Variants in HOXD3 observed in about 807,000 individuals in gnomAD.
HOXD3 encodes homeobox protein Hox-D3.
In HOXD3, 13 loss-of-function variants were observed where a neutral mutation model predicts 32.8. The observed-to-expected ratio is 0.40, with a 90% CI of 0.26 to 0.63. The LOEUF is 0.63. Ranked by LOEUF, HOXD3 falls within the 20% of genes least tolerant of loss-of-function variation. The pLI is 0.44. For missense variants in HOXD3, 504 were observed against 577.1 expected (o/e 0.87, Z 1.30); for synonymous variants, 241 against 246.8 (o/e 0.98, Z 0.22).
Position 176,169,425 on chromosome 2 carries a change from G to T in HOXD3, c.311G>T (p.Gly104Val), listed in dbSNP as rs768708334. 1.9e-6 allele frequency: 3 copies of T among 1,613,504 alleles called. No individual in the cohort carries two copies. The highest frequency in any genetic ancestry group is 3.3e-5 in the Admixed American group (2 of 59,988). The change falls in exon 3 of 4, where the codon GGC becomes GTC. Residue 104 changes from glycine to valine, a missense_variant. This residue lies in a region of HOXD3 where 181 missense variants were observed against 172.2 expected (regional missense o/e 1.05). Transcript: ENST00000683222. ...GGGAACAGCCAGGGTGGGGGTGGTG[G>T]CAGCCAGCCTCCTGGTCTGAACTCA... ...GTGNSQGGGG[G>V]SQPPGLNSEQ...
Position 176,171,798 on chromosome 2 carries a change from G to A in HOXD3, c.823G>A (p.Gly275Ser), listed in dbSNP as rs767373229. ...QSPERSPPLG[G>S]AAGHVAYSGQ... ...CCCTGAGCGCAGCCCACCGCTCGGC[G>A]GCGCCGCTGGCCACGTGGCCTACTC... Residue 275 changes from glycine (G) to serine (S), a missense_variant, in exon 4 of 4, where the codon GGC (glycine) becomes AGC (serine). This residue lies in a region of HOXD3 where 226 missense variants were observed against 246.9 expected (regional missense o/e 0.92). Transcript: ENST00000683222. 20 of 1,612,614 alleles carry A rather than the reference G, an allele frequency of 1.2e-5. No homozygotes were observed. The Middle Eastern group carries it at 5.0e-4, about 40-fold the overall frequency.
At chr2:176,159,250 G>A (rs1217424206) in intron 1 of HOXD3, among the ~76,000 whole-genome samples, 1 of 152,066 alleles carries the variant, frequency 6.6e-6, no homozygotes. Flanking sequence ...GTGGGCTGGG[G>A]TCACCCACGA....
At position 176,172,303 on chromosome 2, in the gene HOXD3, AAATT is replaced by A; in HGVS notation, c.*31_*34del. The A allele has an allele frequency of 6.4e-7, 1 of 1,565,976 alleles. No individual in the cohort carries two copies. ...CCGCCGCCAGCCCGAACTCGCGGCA[AAATT>A]ACCTCTCTTGCTGTAGTGGTGGGGT... On this transcript the variant is annotated 3_prime_UTR_variant, in exon 4 of 4. Transcript: ENST00000683222.
In HOXD3 at chr2:176,169,569, C is replaced by T. The variant is rs774350237; in HGVS notation, c.455C>T (p.Ser152Phe). 4 of 1,613,960 alleles carry T rather than the reference C, an allele frequency of 2.5e-6. No homozygotes were observed. The highest frequency in any genetic ancestry group is 1.7e-6 in the Non-Finnish European group (2 of 1,179,982). Residue 152 changes from serine to phenylalanine, a missense_variant, in exon 3 of 4, where the codon TCC becomes TTC. Transcript: ENST00000683222. ...AAAGGTGGGCCCAATGCTTCTAGCTCCTCAGCCACCATCAGCAAGCAGATC... is the reference window on the plus strand; with the variant it reads ...AAAGGTGGGCCCAATGCTTCTAGCTTCTCAGCCACCATCAGCAAGCAGATC... ...KPKGGPNASS[S>F]SATISKQIFP...
intron 1 of HOXD3, among the ~76,000 whole-genome samples, chr2:176,162,799 G>A (rs1690849386): frequency 6.6e-6 from 1 of 152,150 alleles, no homozygotes; most frequent in African/African-American, 2.4e-5. Context: ...GGCGGCCCCG[G>A]GTGACCTCCC....
Position 176,172,720 on chromosome 2 carries a change from T to C in HOXD3, c.*446T>C, listed in dbSNP as rs1249477204. ...CATCGGACTAAACTATCTGTATTTATTATTTGAAGCGAGTCATTTCGTTCC... is the reference window on the plus strand; with the variant it reads ...CATCGGACTAAACTATCTGTATTTACTATTTGAAGCGAGTCATTTCGTTCC... On this transcript the variant is annotated 3_prime_UTR_variant, in exon 4 of 4. Coordinates refer to ENST00000683222, the MANE Select transcript of HOXD3 (RefSeq NM_006898.5). The C allele has an allele frequency of 1.2e-5, 2 of 166,648 alleles. No individual in the cohort carries two copies. Among genetic ancestry groups the C allele is most frequent in the African/African-American group, 2.4e-5 (1 of 41,998 alleles). The allele number at this position is 166,648 out of a possible 1,614,324, so 10.3% of individuals were successfully genotyped here. A position where few individuals can be genotyped will look rare whatever the true frequency, so the allele number is the denominator to read the frequency against.
Position 176,172,270 on chromosome 2 carries a change from T to G in HOXD3, c.1295T>G (p.Leu432Arg), listed in dbSNP as rs1691222765. The part of the protein sequence containing the change: ...RLPEAPKLTH[L>R] ...CCGGAGGCTCCCAAACTGACGCATC[T>G]GTAGCGGCCGCCGCCAGCCCGAACT... Residue 432 changes from leucine (L) to arginine (R), a missense_variant, in exon 4 of 4, where the codon CTG (leucine) becomes CGG (arginine). This residue lies in a region of HOXD3 where 226 missense variants were observed against 246.9 expected (regional missense o/e 0.92). Coordinates refer to ENST00000683222, the MANE Select transcript of HOXD3 (RefSeq NM_006898.5). 1.9e-6 allele frequency: 3 copies of G among 1,591,210 alleles called. No homozygotes were observed. Among genetic ancestry groups the G allele is most frequent in the Non-Finnish European group, 1.7e-6 (2 of 1,171,770 alleles).
intron 1 of HOXD3, among the ~76,000 whole-genome samples, chr2:176,159,559 G>A (rs908280257): frequency 6.6e-6 from 1 of 152,186 alleles, no homozygotes; most frequent in Non-Finnish European, 1.5e-5. Flanking sequence ...CCGTGGTGCG[G>A]GATTCCCGAG....
chr2:176,164,205 A>T (rs1690892621), intron 2 of HOXD3, 37 bp downstream of exon 2: 1 of 152,178 alleles, frequency 6.6e-6, no homozygotes, highest in Non-Finnish European at 1.5e-5. Context: ...TTTCCAGTAC[A>T]TTTCCCTCTG....
intron 2 of HOXD3, 132 bp from the exon 3 acceptor site, chr2:176,168,899 C>T: frequency 1.7e-6 from 1 of 588,988 alleles, no homozygotes; most frequent in African/African-American, 1.8e-5. Context: ...AGTAAATAAA[C>T]TCAGATCCAG....
chr2:176,152,959 C>G, upstream of HOXD3: 2 of 1,609,646 alleles, frequency 1.2e-6, no homozygotes, highest in Non-Finnish European at 1.7e-6. This position sits in a 1 kb window ranked among gnomAD's most constrained non-coding sequence, Gnocchi z 5.2. Flanking sequence ...GGACCCTGGG[C>G]CCATCTCTCC....
At chr2:176,154,019 A>G (rs915551810), upstream of HOXD3, among the ~76,000 whole-genome samples, 14 of 151,662 alleles carry the variant, frequency 9.2e-5, no homozygotes, top group African/African-American at 2.9e-4. Context: ...GGGGCTGTGC[A>G]GTGGGGAGAA....
At position 176,169,411 on chromosome 2, in the gene HOXD3, G is replaced by T. The variant is rs1691101180; in HGVS notation, c.297G>T (p.Gln99His). 1.2e-6 allele frequency: 2 copies of T among 1,613,646 alleles called. No homozygotes were observed. Among genetic ancestry groups the T allele is most frequent in the Middle Eastern group, 1.6e-4 (1 of 6,084 alleles). ...SCMRPGTGNS[Q>H]GGGGGSQPPG... is the part of the protein sequence containing the mutation. ...TGCGGCCGGGCACTGGGAACAGCCAGGGTGGGGGTGGTGGCAGCCAGCCTC... is the reference window on the plus strand; with the variant it reads ...TGCGGCCGGGCACTGGGAACAGCCATGGTGGGGGTGGTGGCAGCCAGCCTC... Residue 99 changes from glutamine to histidine, a missense_variant, in exon 3 of 4, where the codon CAG (glutamine) becomes CAT (histidine). By Grantham distance (24) the Gln-to-His change is conservative. Transcript: ENST00000683222.
At chr2:176,158,823 C>G (rs552436489) in intron 1 of HOXD3, among the ~76,000 whole-genome samples, 1 of 137,162 alleles carries the variant, frequency 7.3e-6, no homozygotes, top group Non-Finnish European at 1.6e-5. Context: ...TCCCACCCCC[C>G]CCACTCCAAC....
chr2:176,156,599 T>C (rs913355173), upstream of HOXD3, among the ~76,000 whole-genome samples: 3 of 152,116 alleles, frequency 2.0e-5, no homozygotes, highest in Non-Finnish European at 4.4e-5. Flanking sequence ...GCTTCTACTT[T>C]TCCAGTACTG....
At chr2:176,171,484 C>G in intron 3 of HOXD3, 33 bp from the exon 4 acceptor site, 1 of 1,550,264 alleles carries the variant, frequency 6.5e-7, no homozygotes. Context: ...CACCCACTCG[C>G]TCAGCGCCCT....
upstream of HOXD3, among the ~76,000 whole-genome samples, chr2:176,157,005 G>A (rs148940263): frequency 6.6e-6 from 1 of 152,272 alleles, no homozygotes; most frequent in African/African-American, 2.4e-5. Context: ...ACCGTTGTGT[G>A]TATTGAATCG....
chr2:176,161,621 C>T (rs1690807064), intron 1 of HOXD3, among the ~76,000 whole-genome samples: 1 of 152,194 alleles, frequency 6.6e-6, no homozygotes, highest in Non-Finnish European at 1.5e-5. Context: ...GCTCCACACA[C>T]AGCCTTTACC....
upstream of HOXD3, among the ~76,000 whole-genome samples, chr2:176,155,576 GA>G (rs961978374): frequency 6.6e-5 from 10 of 152,168 alleles, no homozygotes; most frequent in African/African-American, 2.2e-4. Flanking sequence ...GTCCCAGTCG[GA>G]CCCCAGCATC....
Sources: gnomAD v4.1 joint callset for allele counts (sites outside exome capture counted in the v4.1 genomes callset) on GRCh38, gnomAD v4.1.1 for gene constraint, gnomAD v4.1.1 regional missense constraint, Gnocchi (gnomAD v3.1) non-coding constraint, MANE v1.5 for transcripts, NCBI Gene and HGNC (gene_info 2026-07-23, HGNC 2026-07-21) for gene names.